TBC1D19: variants seen among roughly 807,000 people sequenced by gnomAD.
TBC1D19 encodes TBC1 domain family, member 19.
In TBC1D19, 60 loss-of-function variants were observed where a neutral mutation model predicts 89.0. The ratio of observed to expected loss-of-function variants is 0.67; its 90% CI spans 0.55 to 0.84. The LOEUF (loss-of-function observed/expected upper bound fraction) is 0.84, where lower values mean the gene tolerates loss of function less well. TBC1D19 is among the 40% of genes least tolerant of loss of function. The pLI, the probability that TBC1D19 is intolerant of heterozygous loss-of-function variation, is 0.00. For synonymous variants in TBC1D19, 189 were observed against 199.7 expected (o/e 0.95, Z 0.45); for missense variants, 500 against 610.8 (o/e 0.82, Z 1.91).
intron 13 of TBC1D19, among the ~76,000 whole-genome samples, chr4:26,689,803 A>C (rs7688132): frequency 0.98 from 148,705 of 152,152 alleles, 72,747 homozygotes; most frequent in East Asian, 1. Flanking sequence ...CTTTCTATAC[A>C]CTGAGACACA....
At chr4:26,610,382 A>T (rs950302767) in intron 1 of TBC1D19, among the ~76,000 whole-genome samples, 3 of 149,854 alleles carry the variant, frequency 2.0e-5, no homozygotes, top group African/African-American at 7.4e-5. Flanking sequence ...TTCTGATAAC[A>T]TGATATTTAT....
chr4:26,699,878 G>T (rs1169355687), intron 13 of TBC1D19, among the ~76,000 whole-genome samples: 1 of 151,818 alleles, frequency 6.6e-6, no homozygotes, highest in South Asian at 2.1e-4. Flanking sequence ...TGGGGGGAAG[G>T]GGGAGGGAAA....
chr4:26,851,178 G>A, the TBC1D19 span, among the ~76,000 whole-genome samples: 2 of 152,150 alleles, frequency 1.3e-5, no homozygotes, highest in Admixed American at 6.5e-5. Flanking sequence ...GACTTCTCTT[G>A]TTCTGAGGCT....
chr4:26,614,364 A>G, intron 2 of TBC1D19, 44 bp from the exon 3 acceptor site: 1 of 1,324,064 alleles, frequency 7.6e-7, no homozygotes, highest in Non-Finnish European at 1.0e-6. Context: ...TGTTTACTTA[A>G]AAACTAGTAT....
rs114785060 is a variant in TBC1D19, at chr4:26,676,635, C to T, written c.816+2747C>T. ...TTGGGAGGCTGAGGCAAGAAAATGT[C>T]GTGAACCCGGGAGGCAGAGCTTGCA... On this transcript the variant is annotated intron_variant, in intron 11 of 20. Coordinates refer to ENST00000264866, the MANE Select transcript of TBC1D19 (RefSeq NM_018317.4). 3.9e-3 allele frequency among the ~76,000 whole-genome samples: 594 copies of T among 151,212 alleles called. 7 individuals are homozygous for T. The highest frequency in any genetic ancestry group is 0.013 in the African/African-American group (555 of 41,150).
At position 26,748,545 on chromosome 4, in the gene TBC1D19, TTGTAGAACACATGCTGTTTC is replaced by T; in HGVS notation, c.1435+21_1435+40del. 6.5e-7 allele frequency: 1 copy of T among 1,543,416 alleles called. No homozygotes were observed. The highest frequency in any genetic ancestry group is 8.9e-7 in the Non-Finnish European group (1 of 1,118,888). On this transcript the variant is annotated intron_variant, in intron 19 of 20. Transcript: ENST00000264866. ...CTTGCTGGTAAGAGTAAATGCTTGTTTGTAGAACACATGCTGTTTCTATAATAAGTCCCCTTTTCTTCCTA... is the reference window on the plus strand; with the variant it reads ...CTTGCTGGTAAGAGTAAATGCTTGTTTATAATAAGTCCCCTTTTCTTCCTA...
At chr4:26,628,262 C>A (rs989007374) in intron 4 of TBC1D19, among the ~76,000 whole-genome samples, 1 of 152,128 alleles carries the variant, frequency 6.6e-6, no homozygotes, top group Non-Finnish European at 1.5e-5. Flanking sequence ...GTTTTGGTAC[C>A]AGTACCATGC....
At chr4:26,852,167 T>C in the TBC1D19 span, among the ~76,000 whole-genome samples, 1 of 152,246 alleles carries the variant, frequency 6.6e-6, no homozygotes, top group African/African-American at 2.4e-5. Context: ...ACATCTTGGT[T>C]GATGGCAACT....
At chr4:26,708,512 A>G (rs1467683308) in intron 13 of TBC1D19, among the ~76,000 whole-genome samples, 1 of 151,968 alleles carries the variant, frequency 6.6e-6, no homozygotes, top group African/African-American at 2.4e-5. Context: ...AATGTCTTTC[A>G]TCAAATTTGG....
At chr4:26,731,586 T>C (rs759977080) in intron 15 of TBC1D19, among the ~76,000 whole-genome samples, 1 of 152,034 alleles carries the variant, frequency 6.6e-6, no homozygotes, top group Non-Finnish European at 1.5e-5. Flanking sequence ...GTTGGTATTA[T>C]GGATTAATAA....
the TBC1D19 span, among the ~76,000 whole-genome samples, chr4:26,837,725 T>C: frequency 6.6e-6 from 1 of 152,022 alleles, no homozygotes; most frequent in Non-Finnish European, 1.5e-5. Flanking sequence ...CCGGATGAGA[T>C]CACTAAGGGC....
At chr4:26,850,016 G>A in the TBC1D19 span, among the ~76,000 whole-genome samples, 1 of 152,068 alleles carries the variant, frequency 6.6e-6, no homozygotes, top group Non-Finnish European at 1.5e-5. Context: ...ATCAGATACT[G>A]TAAGTATCTC....
intron 7 of TBC1D19, among the ~76,000 whole-genome samples, chr4:26,649,312 C>T (rs1401364649): frequency 6.6e-6 from 1 of 152,124 alleles, no homozygotes; most frequent in African/African-American, 2.4e-5. Flanking sequence ...ATAATCTCCT[C>T]CACTAGATTC....
chr4:26,749,446 T>TTG (rs80270638), intron 19 of TBC1D19, among the ~76,000 whole-genome samples: 1,929 of 69,722 alleles, frequency 0.028, 43 homozygotes, highest in South Asian at 0.12. Context: ...CATATTCGGG[T>TTG]TGTTTTTTTT....
At chr4:26,801,411 C>T in the TBC1D19 span, among the ~76,000 whole-genome samples, 17 of 152,076 alleles carry the variant, frequency 1.1e-4, no homozygotes, top group African/African-American at 3.9e-4. Flanking sequence ...GTTACTGTAG[C>T]CTTGTAGTAT....
intron 13 of TBC1D19, among the ~76,000 whole-genome samples, chr4:26,697,268 A>G (rs1218630342): frequency 6.6e-6 from 1 of 152,218 alleles, no homozygotes; most frequent in Non-Finnish European, 1.5e-5. Flanking sequence ...AGAAATGGAT[A>G]AATTCCTGGA....
intron 4 of TBC1D19, among the ~76,000 whole-genome samples, chr4:26,630,869 A>C (rs1002886168): frequency 6.6e-6 from 1 of 152,038 alleles, no homozygotes; most frequent in Non-Finnish European, 1.5e-5. Flanking sequence ...TGAATAAAGG[A>C]ATGAATGGAT....
chr4:26,668,288 T>C (rs1312751829), intron 9 of TBC1D19, among the ~76,000 whole-genome samples: 1 of 152,060 alleles, frequency 6.6e-6, no homozygotes, highest in Non-Finnish European at 1.5e-5. Flanking sequence ...TGAAATAATC[T>C]TTGAGTTATT....
At chr4:26,612,314 G>A (rs568735111) in intron 1 of TBC1D19, among the ~76,000 whole-genome samples, 53 of 151,734 alleles carry the variant, frequency 3.5e-4, no homozygotes, top group African/African-American at 1.2e-3. Flanking sequence ...ATTGAATCAC[G>A]GAAGAGTTAG....
Sources: allele counts gnomAD v4.1 joint callset (sites outside exome capture counted in the v4.1 genomes callset), GRCh38; gene constraint gnomAD v4.1.1; transcripts MANE v1.5; gene names NCBI Gene and HGNC (gene_info 2026-07-23, HGNC 2026-07-21).